Variants in AUTS2 observed in about 807,000 individuals in gnomAD.
The protein encoded by AUTS2 is autism susceptibility gene 2 protein.
Under a neutral mutation model 112.4 loss-of-function variants are expected in AUTS2, and 17 were observed. The observed-to-expected ratio is 0.15, with a 90% CI of 0.10 to 0.23. The LOEUF is 0.23. Among genes scored for constraint, AUTS2 ranks in the 10% least tolerant of loss-of-function variants. The pLI, the probability that AUTS2 is intolerant of heterozygous loss-of-function variation, is 1.00. For missense variants in AUTS2, 1,510 were observed against 1,701.6 expected, an observed-to-expected ratio of 0.89 and a Z score of 1.98; for synonymous variants, 751 against 702.7, an observed-to-expected ratio of 1.07 and a Z score of -1.09.
rs1554487430 is a variant in AUTS2, at chr7:70,785,943, T to TCTTGTTTG, written c.2225-10_2225-3dup. The TCTTGTTTG allele has an allele frequency of 6.2e-7, 1 of 1,613,494 alleles. No individual in the cohort carries two copies. Among genetic ancestry groups the TCTTGTTTG allele is most frequent in the Non-Finnish European group, 8.5e-7 (1 of 1,179,760 alleles). ...CCCCTGACCATTTCCTTCTTCCCCA[T>TCTTGTTTG]CTTGTTTGCAGAGCCTTTTAATCGG... On this transcript the variant is annotated splice_polypyrimidine_tract_variant and intron_variant, in intron 16 of 18. Coordinates refer to ENST00000342771, the MANE Select transcript of AUTS2 (RefSeq NM_015570.4).
intron 1 of AUTS2, among the ~76,000 whole-genome samples, chr7:69,885,894 T>C (rs1441952235): frequency 6.6e-6 from 1 of 152,248 alleles, no homozygotes; most frequent in African/African-American, 2.4e-5. Flanking sequence ...TTCAGTAAAT[T>C]ATGTTTAGTT....
rs139606822 is a variant in AUTS2 at position 69,903,576 on chromosome 7, A to G, written c.522+4078A>G. ...CAGAGGAAATAGGCTTAAGTGAGCT[A>G]GAAGGCATTTTTAGGTTATATGAAC... is the stretch of plus-strand genomic sequence containing the variant. On this transcript the variant is annotated intron_variant, in intron 2 of 18. Coordinates refer to ENST00000342771, the MANE Select transcript of AUTS2 (RefSeq NM_015570.4). Among the ~76,000 whole-genome samples the G allele has an allele frequency of 5.1e-4, 78 of 152,340 alleles. 1 individual carries two copies. The East Asian group carries it at 0.013, about 26-fold the overall frequency.
rs529461790 is a variant in AUTS2, at chr7:70,135,256, A to C, written c.660+685A>C. ...CACTTCATTATATTTATTTATAGTG[A>C]AATTCTCCTTTCTGGATTTAGTGAC... On this transcript the variant is annotated intron_variant, in intron 4 of 18. Transcript: ENST00000342771. Among the ~76,000 whole-genome samples, 195 of 152,290 alleles carry C rather than the reference A, an allele frequency of 1.3e-3. 3 individuals carry two copies. Among genetic ancestry groups the C allele is most frequent in the African/African-American group, 4.5e-3 (185 of 41,564 alleles).
At chr7:70,638,500 A>G (rs2129539702) in intron 5 of AUTS2, among the ~76,000 whole-genome samples, 1 of 152,064 alleles carries the variant, frequency 6.6e-6, no homozygotes, top group African/African-American at 2.4e-5. Flanking sequence ...CTTTTCAAGA[A>G]TTATGCCGTC....
chr7:70,210,990 T>C (rs1810852280), intron 4 of AUTS2, among the ~76,000 whole-genome samples: 1 of 151,866 alleles, frequency 6.6e-6, no homozygotes, highest in African/African-American at 2.4e-5. Flanking sequence ...GGAGGAAGGG[T>C]AGGAAAAACA....
intron 3 of AUTS2, among the ~76,000 whole-genome samples, chr7:70,133,706 A>G (rs1806394896): frequency 6.6e-6 from 1 of 152,228 alleles, no homozygotes; most frequent in Non-Finnish European, 1.5e-5. Flanking sequence ...GGATGCTAAA[A>G]ATTAAATAAT....
intron 5 of AUTS2, among the ~76,000 whole-genome samples, chr7:70,566,485 A>G (rs1239858629): frequency 6.6e-6 from 1 of 152,156 alleles, no homozygotes; most frequent in Non-Finnish European, 1.5e-5. Context: ...AGTATCTGGA[A>G]TGGATCGGCC....
At chr7:70,687,250 C>A (rs117751774) in intron 5 of AUTS2, among the ~76,000 whole-genome samples, 7 of 152,112 alleles carry the variant, frequency 4.6e-5, no homozygotes, top group Admixed American at 3.3e-4. Flanking sequence ...CAAGTCCAGA[C>A]GGAAACGAGA....
intron 4 of AUTS2, among the ~76,000 whole-genome samples, chr7:70,185,284 T>TTTTTTTTTTTTTTTTTTTTA (rs1269182106): frequency 7.2e-6 from 1 of 139,854 alleles, no homozygotes; most frequent in Non-Finnish European, 1.6e-5. Flanking sequence ...TTTTTTTTTT[T>TTTTTTTTTTTTTTTTTTTTA]AAGAAACGAG....
intron 4 of AUTS2, among the ~76,000 whole-genome samples, chr7:70,268,469 T>G (rs1397139828): frequency 6.6e-6 from 1 of 152,224 alleles, no homozygotes; most frequent in Non-Finnish European, 1.5e-5. Context: ...GACCATTATT[T>G]GTTTATTAAA....
chr7:70,074,547 G>T (rs541667828), intron 2 of AUTS2, among the ~76,000 whole-genome samples: 1 of 152,086 alleles, frequency 6.6e-6, no homozygotes, highest in African/African-American at 2.4e-5. Context: ...CCTGTTTAAG[G>T]ATTAGTGTCC....
intron 6 of AUTS2, among the ~76,000 whole-genome samples, chr7:70,758,187 T>C (rs553196526): frequency 6.6e-6 from 1 of 152,342 alleles, no homozygotes; most frequent in East Asian, 1.9e-4. Flanking sequence ...CATTCTTTTT[T>C]ACAGCTGCAA....
intron 1 of AUTS2, among the ~76,000 whole-genome samples, chr7:69,764,069 C>A (rs1410436459): frequency 1.3e-5 from 2 of 152,180 alleles, no homozygotes; most frequent in African/African-American, 4.8e-5. Context: ...GGTGAAGCTG[C>A]CATACCAAGG....
At chr7:69,667,217 C>G (rs1278986084) in intron 1 of AUTS2, among the ~76,000 whole-genome samples, 1 of 152,188 alleles carries the variant, frequency 6.6e-6, no homozygotes, top group Non-Finnish European at 1.5e-5. Flanking sequence ...GGCAGAGCCC[C>G]CATGACCCAG....
intron 1 of AUTS2, among the ~76,000 whole-genome samples, chr7:69,629,554 C>T (rs1794128957): frequency 6.6e-6 from 1 of 152,140 alleles, no homozygotes. Context: ...ATGAGATGAG[C>T]CCCAACTTCT....
intron 7 of AUTS2, among the ~76,000 whole-genome samples, chr7:70,763,567 A>G (rs1211039713): frequency 6.6e-6 from 1 of 152,062 alleles, no homozygotes; most frequent in East Asian, 1.9e-4. Flanking sequence ...AAGAAGTAAA[A>G]TATTTATGGG....
chr7:69,753,160 G>T (rs1050445747), intron 1 of AUTS2, among the ~76,000 whole-genome samples: 1 of 152,164 alleles, frequency 6.6e-6, no homozygotes, highest in African/African-American at 2.4e-5. Flanking sequence ...ATGTGATCAT[G>T]TATGTGAGAA....
At chr7:70,548,381 C>T (rs544038503) in intron 5 of AUTS2, among the ~76,000 whole-genome samples, 4 of 152,058 alleles carry the variant, frequency 2.6e-5, no homozygotes, top group Non-Finnish European at 2.9e-5. Flanking sequence ...TTTTCATATC[C>T]GTAATGCTGA....
In AUTS2 at chr7:70,455,732, A is replaced by T. The variant is rs566190659; in HGVS notation, c.690+19951A>T. On this transcript the variant is annotated intron_variant, in intron 5 of 18. Coordinates refer to ENST00000342771, the MANE Select transcript of AUTS2 (RefSeq NM_015570.4). ...AGGCCAGGAGTTCAAGGCTGCAGTG[A>T]GCTGTGATCATGCCACTGCACTTCA... is the stretch of plus-strand genomic sequence containing the variant. Among the ~76,000 whole-genome samples, 3 of 152,236 alleles carry T rather than the reference A, an allele frequency of 2.0e-5. No homozygotes were observed. The South Asian group carries it at 6.2e-4, about 32-fold the overall frequency.
Sources: allele counts gnomAD v4.1 joint callset (sites outside exome capture counted in the v4.1 genomes callset), GRCh38; gene constraint gnomAD v4.1.1; transcripts MANE v1.5; gene names NCBI Gene and HGNC (gene_info 2026-07-23, HGNC 2026-07-21).